Variants in PAX5 observed in about 807,000 individuals in gnomAD.
PAX5 encodes the protein paired box protein Pax-5.
In PAX5, 9 loss-of-function variants were observed where a neutral mutation model predicts 43.7. The ratio of observed to expected loss-of-function variants is 0.21; its 90% CI spans 0.12 to 0.36. The LOEUF (loss-of-function observed/expected upper bound fraction) is 0.36. Among genes scored for constraint, PAX5 ranks in the 10% least tolerant of loss-of-function variants. The pLI, the probability that PAX5 is intolerant of heterozygous loss-of-function variation, is 1.00. For missense variants in PAX5, 383 were observed against 532.7 expected (o/e 0.72, Z 2.77); for synonymous variants, 228 against 214.3 (o/e 1.06, Z -0.56).
intron 1 of PAX5, among the ~76,000 whole-genome samples, chr9:37,029,532 C>T (rs186306264): frequency 1.1e-4 from 16 of 152,348 alleles, no homozygotes; most frequent in African/African-American, 3.8e-4. Flanking sequence ...CCTTTCACCC[C>T]CGGCCTTGGA....
At chr9:36,909,392 T>C (rs986016616) in intron 7 of PAX5, among the ~76,000 whole-genome samples, 3 of 152,232 alleles carry the variant, frequency 2.0e-5, no homozygotes, top group African/African-American at 7.2e-5. Flanking sequence ...GCACTCGCTA[T>C]TCCAGGCCCT....
chr9:37,030,601 C>A lies in PAX5; in HGVS notation c.46+3385G>T, dbSNP rs183832856. On this transcript the variant is annotated intron_variant, in intron 1 of 9. Transcript: ENST00000358127. ...GTGCTAGGCGCTGGGGGCAGGAGAC[C>A]GCGAAAGGAAACTATCCAGGAAGAA... Among the ~76,000 whole-genome samples, 44 of 152,310 alleles carry A rather than the reference C, an allele frequency of 2.9e-4. No individual in the cohort carries two copies. In the East Asian group the frequency reaches 7.5e-3, roughly 26 times the overall value.
intron 9 of PAX5, among the ~76,000 whole-genome samples, chr9:36,845,747 C>G (rs1822506534): frequency 6.6e-6 from 1 of 152,206 alleles, no homozygotes; most frequent in Non-Finnish European, 1.5e-5. Flanking sequence ...GGGGTCAAGG[C>G]TGAGATTACA....
chr9:37,011,962 G>A (rs1838968968), intron 3 of PAX5, among the ~76,000 whole-genome samples: 1 of 152,152 alleles, frequency 6.6e-6, no homozygotes, highest in African/African-American at 2.4e-5. Flanking sequence ...TGGGAGCTTT[G>A]CCTTCATCTG....
intron 6 of PAX5, among the ~76,000 whole-genome samples, chr9:36,942,814 G>T (rs1832163731): frequency 6.6e-6 from 1 of 152,244 alleles, no homozygotes; most frequent in Non-Finnish European, 1.5e-5. Context: ...GCTAGAGGTT[G>T]TGGGGCCTGG....
intron 1 of PAX5, among the ~76,000 whole-genome samples, chr9:37,024,241 G>A (rs986254561): frequency 1.3e-5 from 2 of 152,150 alleles, no homozygotes; most frequent in Non-Finnish European, 2.9e-5. Context: ...GGAGGTTATC[G>A]TGCTGATGAA....
At chr9:36,869,963 A>G (rs1406645962) in intron 8 of PAX5, among the ~76,000 whole-genome samples, 177 of 33,204 alleles carry the variant, frequency 5.3e-3, no homozygotes, top group African/African-American at 9.0e-3. Flanking sequence ...TGGATGGATA[A>G]ATGGATGGAT....
intron 5 of PAX5, among the ~76,000 whole-genome samples, chr9:36,998,402 T>C (rs1210960573): frequency 6.6e-6 from 1 of 152,186 alleles, no homozygotes; most frequent in Non-Finnish European, 1.5e-5. Context: ...AAGCCCAAAA[T>C]ACCAAACAAA....
chr9:36,965,270 C>T (rs1392353096), intron 6 of PAX5, among the ~76,000 whole-genome samples: 2 of 152,178 alleles, frequency 1.3e-5, no homozygotes, highest in African/African-American at 4.8e-5. Context: ...TCTGTAGGCT[C>T]CCTGAGGGGA....
At chr9:36,848,062 T>A (rs1413989282) in intron 8 of PAX5, among the ~76,000 whole-genome samples, 2 of 151,768 alleles carry the variant, frequency 1.3e-5, no homozygotes, top group African/African-American at 4.8e-5. Context: ...CTACTGGAGG[T>A]GACAGGAGTT....
intron 5 of PAX5, among the ~76,000 whole-genome samples, chr9:36,981,452 A>AAAAAAAAAAAAAG (rs1835940105): frequency 6.6e-6 from 1 of 151,242 alleles, no homozygotes; most frequent in Non-Finnish European, 1.5e-5. Context: ...AAAAAACAAA[A>AAAAAAAAAAAAAG]AACAGGTACA....
chr9:36,974,305 G>A (rs1032194508), intron 5 of PAX5, among the ~76,000 whole-genome samples: 6 of 152,186 alleles, frequency 3.9e-5, no homozygotes, highest in Non-Finnish European at 7.3e-5. Context: ...AGAATGAAGT[G>A]GGGCTGACAT....
rs531281262 is a variant in PAX5, at chr9:36,858,499, C to T, written c.1013-11570G>A. 3.9e-5 allele frequency among the ~76,000 whole-genome samples: 6 copies of T among 152,224 alleles called. No homozygotes were observed. The East Asian group carries it at 5.8e-4, about 15-fold the overall frequency. On this transcript the variant is annotated intron_variant, in intron 8 of 9. Transcript: ENST00000358127. ...TCTGCCACTAAGGAATAGTTTTCCT[C>T]CCCCCAGTTTCTGCCCAAATGACTC...
chr9:36,863,095 TG>T (rs963813286), intron 8 of PAX5, among the ~76,000 whole-genome samples: 15 of 152,284 alleles, frequency 9.9e-5, no homozygotes, highest in African/African-American at 3.6e-4. Flanking sequence ...AGAAACAGCC[TG>T]GGGACAGCCC....
rs566538724 is a variant in PAX5, at chr9:36,862,311, C to A, written c.1013-15382G>T. Among the ~76,000 whole-genome samples, 9 of 152,266 alleles carry A rather than the reference C, an allele frequency of 5.9e-5. No individual in the cohort carries two copies. The South Asian group carries it at 6.2e-4, about 11-fold the overall frequency. On this transcript the variant is annotated intron_variant, in intron 8 of 9. Coordinates refer to ENST00000358127, the MANE Select transcript of PAX5 (RefSeq NM_016734.3). ...ACACCAGGAATGCAGGAGGACGATG[C>A]ATCCCGATTCTCCACAAGGGGGAGC...
chr9:37,002,862 T>G, intron 4 of PAX5, 86 bp from the exon 5 acceptor site: 10 of 1,329,698 alleles, frequency 7.5e-6, no homozygotes, highest in Admixed American at 2.2e-5. Context: ...TGGGGGCGGC[T>G]GGGAGGGAGC....
chr9:37,033,041 C>T (rs1012271644), intron 1 of PAX5, among the ~76,000 whole-genome samples: 2 of 152,252 alleles, frequency 1.3e-5, no homozygotes, highest in South Asian at 4.1e-4. Context: ...ACGCCAGTGT[C>T]AGAGGCTTGT....
At chr9:36,942,113 G>A (rs144887088) in intron 6 of PAX5, among the ~76,000 whole-genome samples, 5 of 152,344 alleles carry the variant, frequency 3.3e-5, no homozygotes, top group African/African-American at 4.8e-5. Flanking sequence ...GCCCACCTGC[G>A]TGTCCAGGAG....
In PAX5 at chr9:36,836,254, A is replaced by T. The variant is rs1178256307; in HGVS notation, c.*4306T>A. 8.6e-6 allele frequency: 2 copies of T among 233,322 alleles called. No homozygotes were observed. The highest frequency in any genetic ancestry group is 1.7e-5 in the Non-Finnish European group (2 of 118,208). The allele number at this position is 233,322 out of a possible 1,614,324, so 14.5% of individuals were successfully genotyped here. Reference sequence around the variant, plus strand: ...CGCCTCTGACCTTCCACCCAACTCCATCTTCAAAGCGCAAGACTTGCAAGA... The same window carrying T: ...CGCCTCTGACCTTCCACCCAACTCCTTCTTCAAAGCGCAAGACTTGCAAGA... On this transcript the variant is annotated 3_prime_UTR_variant, in exon 10 of 10. Transcript: ENST00000358127.
Sources: gnomAD v4.1 joint callset for allele counts (sites outside exome capture counted in the v4.1 genomes callset) on GRCh38, gnomAD v4.1.1 for gene constraint, MANE v1.5 for transcripts, NCBI Gene and HGNC (gene_info 2026-07-23, HGNC 2026-07-21) for gene names.